Variants in SLC9A9 observed in about 807,000 individuals in gnomAD.
SLC9A9 encodes solute carrier family 9 member A9.
In SLC9A9, 62 loss-of-function variants were observed where a neutral mutation model predicts 77.8. That is an observed-to-expected ratio of 0.80 (90% CI 0.65 to 0.98). The LOEUF is 0.98. SLC9A9 is among the 50% of genes least tolerant of loss of function. SLC9A9 has a pLI of 0.00. For missense variants in SLC9A9, 775 were observed against 774.9 expected (o/e 1.00, Z 0.00); for synonymous variants, 320 against 283.5 (o/e 1.13, Z -1.29).
intron 12 of SLC9A9, among the ~76,000 whole-genome samples, chr3:143,408,050 CTTT>C (rs941827571): frequency 6.6e-6 from 1 of 152,150 alleles, no homozygotes; most frequent in Non-Finnish European, 1.5e-5. Flanking sequence ...GCTCACCTGA[CTTT>C]TTTTCTTTGA....
intron 3 of SLC9A9, 118 bp from the exon 4 acceptor site, chr3:143,795,195 T>C: frequency 1.2e-6 from 1 of 810,378 alleles, no homozygotes; most frequent in Non-Finnish European, 2.0e-6. Context: ...AATTTTGGTT[T>C]TGGAGCCTCG....
In SLC9A9 at chr3:143,584,110, G is replaced by A. The variant is rs2037501182; in HGVS notation, c.756-5387C>T. Among the ~76,000 whole-genome samples, 4 of 152,144 alleles carry A rather than the reference G, an allele frequency of 2.6e-5. No individual in the cohort carries two copies. The South Asian group carries it at 6.2e-4, about 24-fold the overall frequency. ...ATTATATAGATGGCACCACAACAAT[G>A]CCCTCCCCTCTGTGGCTCTGGCTGC... On this transcript the variant is annotated intron_variant, in intron 6 of 15. Coordinates refer to ENST00000316549, the MANE Select transcript of SLC9A9 (RefSeq NM_173653.4).
At chr3:143,791,006 T>C (rs2008201067) in intron 4 of SLC9A9, among the ~76,000 whole-genome samples, 1 of 152,192 alleles carries the variant, frequency 6.6e-6, no homozygotes, top group African/African-American at 2.4e-5. Flanking sequence ...TAGGTTGTCA[T>C]TGTGATATAT....
intron 2 of SLC9A9, chr3:143,811,809 C>T: frequency 2.3e-6 from 1 of 435,624 alleles, no homozygotes; most frequent in South Asian, 1.6e-5. Context: ...TTGCAGTGAG[C>T]CAGGATTGCA....
At chr3:143,787,577 G>T (rs2008091646) in intron 4 of SLC9A9, among the ~76,000 whole-genome samples, 1 of 152,058 alleles carries the variant, frequency 6.6e-6, no homozygotes, top group South Asian at 2.1e-4. Context: ...GACTTGATTT[G>T]TTTATTTTAC....
At chr3:143,376,156 G>A (rs926051075) in intron 13 of SLC9A9, among the ~76,000 whole-genome samples, 1 of 152,170 alleles carries the variant, frequency 6.6e-6, no homozygotes, top group East Asian at 1.9e-4. Context: ...AGCTTACTGG[G>A]TTTGGGTGAA....
intron 12 of SLC9A9, among the ~76,000 whole-genome samples, chr3:143,447,605 G>C (rs952691157): frequency 6.6e-6 from 1 of 152,124 alleles, no homozygotes; most frequent in Non-Finnish European, 1.5e-5. Flanking sequence ...GCCCAGAAAA[G>C]GCAAACAATT....
chr3:143,781,942 T>A (rs2007895737), intron 4 of SLC9A9, among the ~76,000 whole-genome samples: 1 of 152,234 alleles, frequency 6.6e-6, no homozygotes, highest in African/African-American at 2.4e-5. Context: ...CCATTTCATG[T>A]TAATGACATT....
intron 8 of SLC9A9, among the ~76,000 whole-genome samples, chr3:143,571,316 A>G (rs1187721540): frequency 2.0e-5 from 3 of 152,194 alleles, no homozygotes; most frequent in African/African-American, 7.2e-5. Context: ...TTCATGCAGA[A>G]ATCATTTTTT....
chr3:143,744,949 T>C (rs1935168793), intron 4 of SLC9A9, among the ~76,000 whole-genome samples: 1 of 152,162 alleles, frequency 6.6e-6, no homozygotes, highest in African/African-American at 2.4e-5. Context: ...AATGCAGAGG[T>C]AGGCATTCAT....
intron 4 of SLC9A9, among the ~76,000 whole-genome samples, chr3:143,695,094 G>A (rs1316773297): frequency 6.6e-6 from 1 of 152,132 alleles, no homozygotes; most frequent in East Asian, 1.9e-4. Context: ...CCAGAGGACA[G>A]CACACTGCCG....
intron 2 of SLC9A9, among the ~76,000 whole-genome samples, chr3:143,825,513 T>A (rs2009275134): frequency 1.3e-5 from 2 of 152,226 alleles, no homozygotes; most frequent in Non-Finnish European, 2.9e-5. Flanking sequence ...TATGGTTAGT[T>A]GTTTCTATAA....
At chr3:143,513,226 C>A (rs868521138) in intron 9 of SLC9A9, among the ~76,000 whole-genome samples, 2 of 152,216 alleles carry the variant, frequency 1.3e-5, no homozygotes, top group Admixed American at 1.3e-4. Flanking sequence ...TCAAACTCTG[C>A]GGCTGCTTTA....
chr3:143,578,843 GT>G, intron 6 of SLC9A9, 120 bp from the exon 7 acceptor site: 2 of 1,206,110 alleles, frequency 1.7e-6, no homozygotes, highest in Non-Finnish European at 1.2e-6. Flanking sequence ...GGTTGGAAGA[GT>G]TAGGGGAAAA....
chr3:143,620,307 G>C (rs1313766186), intron 6 of SLC9A9, among the ~76,000 whole-genome samples: 1 of 152,188 alleles, frequency 6.6e-6, no homozygotes, highest in African/African-American at 2.4e-5. Context: ...AATAGGATAA[G>C]AAGTAAGTAT....
chr3:143,523,724 A>T (rs1252962017), intron 9 of SLC9A9, among the ~76,000 whole-genome samples: 1 of 152,180 alleles, frequency 6.6e-6, no homozygotes, highest in African/African-American at 2.4e-5. Flanking sequence ...ATATTTTTCC[A>T]TAATCCTCTT....
intron 4 of SLC9A9, among the ~76,000 whole-genome samples, chr3:143,732,588 C>A (rs1255884354): frequency 6.6e-6 from 1 of 152,194 alleles, no homozygotes; most frequent in Non-Finnish European, 1.5e-5. Flanking sequence ...TGAGGACAAC[C>A]TCTGACCACT....
chr3:143,778,108 A>G (rs1269395226), intron 4 of SLC9A9, among the ~76,000 whole-genome samples: 1 of 149,032 alleles, frequency 6.7e-6, no homozygotes, highest in Admixed American at 6.8e-5. Flanking sequence ...ATCTTTTATT[A>G]TTAAATTTAA....
chr3:143,510,266 A>G (rs1404184746), intron 9 of SLC9A9, among the ~76,000 whole-genome samples: 1 of 152,244 alleles, frequency 6.6e-6, no homozygotes, highest in Non-Finnish European at 1.5e-5. Flanking sequence ...CTAAAGCAAT[A>G]GAAATACTAG....
Sources: allele counts gnomAD v4.1 joint callset (sites outside exome capture counted in the v4.1 genomes callset), GRCh38; gene constraint gnomAD v4.1.1; transcripts MANE v1.5; gene names NCBI Gene and HGNC (gene_info 2026-07-23, HGNC 2026-07-21).